Variants in RAB38 observed in about 807,000 individuals in gnomAD.
The protein encoded by RAB38 is ras-related protein Rab-38.
In RAB38, 15 loss-of-function variants were observed where a neutral mutation model predicts 18.4. The observed-to-expected ratio is 0.82, with a 90% CI of 0.55 to 1.26. The LOEUF is 1.26. Ranked by LOEUF, RAB38 falls within the 50% of genes most tolerant of loss-of-function variation. The pLI, the probability that RAB38 is intolerant of heterozygous loss-of-function variation, is 0.00. For missense variants in RAB38, 294 were observed against 267.4 expected (o/e 1.10, Z -0.69); for synonymous variants, 101 against 104.4 (o/e 0.97, Z 0.20).
the RAB38 span, among the ~76,000 whole-genome samples, chr11:87,973,308 T>C: frequency 6.6e-6 from 1 of 152,024 alleles, no homozygotes; most frequent in Non-Finnish European, 1.5e-5. Flanking sequence ...AAAATAAGAA[T>C]TTTAGTTCTC....
the RAB38 span, among the ~76,000 whole-genome samples, chr11:87,856,234 C>A: frequency 6.6e-6 from 1 of 152,150 alleles, no homozygotes; most frequent in Non-Finnish European, 1.5e-5. Flanking sequence ...TGAGTGGAAG[C>A]AGTGTGGTCC....
chr11:88,048,140 C>T, the RAB38 span, among the ~76,000 whole-genome samples: 2 of 152,104 alleles, frequency 1.3e-5, no homozygotes, highest in Non-Finnish European at 2.9e-5. Flanking sequence ...TTTGCCCCCA[C>T]CCAGGACTGG....
the RAB38 span, among the ~76,000 whole-genome samples, chr11:88,024,942 A>G: frequency 6.6e-6 from 1 of 152,094 alleles, no homozygotes; most frequent in East Asian, 1.9e-4. Flanking sequence ...AATAGATCCT[A>G]GTATTTGACA....
At chr11:88,028,232 T>A in the RAB38 span, among the ~76,000 whole-genome samples, 1 of 152,062 alleles carries the variant, frequency 6.6e-6, no homozygotes, top group East Asian at 1.9e-4. Flanking sequence ...CATCTGTTCA[T>A]CACCATAATC....
At chr11:87,868,637 A>C in the RAB38 span, among the ~76,000 whole-genome samples, 1 of 71,222 alleles carries the variant, frequency 1.4e-5, no homozygotes, top group African/African-American at 4.9e-5. Flanking sequence ...GAGAATAAAC[A>C]AAAAAGGGAT....
In RAB38 at chr11:88,113,678, T is replaced by C; in HGVS notation, c.*310A>G. The C allele has an allele frequency of 3.9e-6, 1 of 256,588 alleles. No homozygotes were observed. Among genetic ancestry groups the C allele is most frequent in the Non-Finnish European group, 7.6e-6 (1 of 130,892 alleles). The allele number at this position is 256,588 out of a possible 1,614,324, so 15.9% of individuals were successfully genotyped here. On this transcript the variant is annotated 3_prime_UTR_variant, in exon 3 of 3. Coordinates refer to ENST00000243662, the MANE Select transcript of RAB38 (RefSeq NM_022337.3). ...TTCTTCTCCCCTTTTATTTTAAGACTTGAGGCCTTTGCTGATTAAAAGAAG... is the reference window on the plus strand; with the variant it reads ...TTCTTCTCCCCTTTTATTTTAAGACCTGAGGCCTTTGCTGATTAAAAGAAG...
chr11:88,088,515 T>C, the RAB38 span, among the ~76,000 whole-genome samples: 2 of 151,910 alleles, frequency 1.3e-5, no homozygotes, highest in African/African-American at 2.4e-5. Flanking sequence ...CTAAGTCTTC[T>C]AACTGAAGAG....
the RAB38 span, among the ~76,000 whole-genome samples, chr11:87,925,962 G>A: frequency 6.6e-6 from 1 of 151,922 alleles, no homozygotes; most frequent in Non-Finnish European, 1.5e-5. Context: ...GGAGGGAACA[G>A]CAATGTCTTA....
At chr11:88,037,422 A>G in the RAB38 span, among the ~76,000 whole-genome samples, 6 of 152,082 alleles carry the variant, frequency 3.9e-5, no homozygotes, top group Non-Finnish European at 5.9e-5. Context: ...ACTTTTTAAT[A>G]TATTTTATTA....
chr11:87,950,192 A>C, the RAB38 span, among the ~76,000 whole-genome samples: 6 of 152,134 alleles, frequency 3.9e-5, no homozygotes, highest in Non-Finnish European at 5.9e-5. Context: ...CTGTTTTATC[A>C]GAGACTAGGA....
At chr11:87,863,479 G>A in the RAB38 span, among the ~76,000 whole-genome samples, 1 of 151,744 alleles carries the variant, frequency 6.6e-6, no homozygotes, top group Non-Finnish European at 1.5e-5. Context: ...TGGAGAGGGA[G>A]GTTACAACCA....
chr11:87,894,486 G>A, the RAB38 span, among the ~76,000 whole-genome samples: 1 of 151,794 alleles, frequency 6.6e-6, no homozygotes, highest in East Asian at 2.0e-4. Flanking sequence ...TGGCAAAAAT[G>A]TGACACTAAA....
chr11:88,015,633 G>A, the RAB38 span, among the ~76,000 whole-genome samples: 1 of 152,106 alleles, frequency 6.6e-6, no homozygotes, highest in Non-Finnish European at 1.5e-5. Context: ...GACTCCAGGA[G>A]AGGAAAGTGA....
At chr11:88,120,609 A>C (rs2134778232) in intron 2 of RAB38, among the ~76,000 whole-genome samples, 1 of 152,226 alleles carries the variant, frequency 6.6e-6, no homozygotes, top group Admixed American at 6.5e-5. Context: ...CAGCATGGAG[A>C]AATGGGATAT....
the RAB38 span, among the ~76,000 whole-genome samples, chr11:87,838,698 G>A: frequency 1.3e-5 from 2 of 152,112 alleles, no homozygotes; most frequent in Non-Finnish European, 2.9e-5. Flanking sequence ...ACCCCATGGT[G>A]GGCATTCGTC....
At chr11:87,910,117 T>C in the RAB38 span, among the ~76,000 whole-genome samples, 6 of 152,090 alleles carry the variant, frequency 3.9e-5, no homozygotes, top group African/African-American at 1.2e-4. Flanking sequence ...AGATGTGTAG[T>C]GGTATCTTAC....
the RAB38 span, among the ~76,000 whole-genome samples, chr11:88,062,867 G>C: frequency 6.6e-6 from 1 of 152,140 alleles, no homozygotes. Flanking sequence ...ACAGAGATTT[G>C]TCAAACCCCA....
chr11:88,104,655 A>G, the RAB38 span, among the ~76,000 whole-genome samples: 1 of 152,150 alleles, frequency 6.6e-6, no homozygotes, highest in South Asian at 2.1e-4. Flanking sequence ...AGTGGGCACT[A>G]AATAAACAGT....
At chr11:88,080,215 T>C in the RAB38 span, among the ~76,000 whole-genome samples, 1 of 151,600 alleles carries the variant, frequency 6.6e-6, no homozygotes, top group Non-Finnish European at 1.5e-5. Context: ...AAGGTCAATA[T>C]ATAAAAACAA....
Sources: allele counts gnomAD v4.1 joint callset (sites outside exome capture counted in the v4.1 genomes callset), GRCh38; gene constraint gnomAD v4.1.1; transcripts MANE v1.5; gene names NCBI Gene and HGNC (gene_info 2026-07-23, HGNC 2026-07-21).